C1QB: variants seen among roughly 807,000 people sequenced by gnomAD.
The protein encoded by C1QB is complement C1q subcomponent subunit B.
A neutral mutation model predicts 4.6 loss-of-function variants in C1QB; 2 were observed. The observed-to-expected ratio is 0.43, with a 90% CI of 0.18 to 1.36. The LOEUF (loss-of-function observed/expected upper bound fraction) is 1.36, where lower values mean the gene tolerates loss of function less well. Ranked by LOEUF, C1QB falls within the 40% of genes most tolerant of loss-of-function variation. The probability of loss-of-function intolerance (pLI) is 0.28; values close to 1 mark genes in which losing one functional copy is unlikely to be tolerated. For missense variants in C1QB, 292 were observed against 338.0 expected (o/e 0.86, Z 1.07); for synonymous variants, 132 against 137.1 (o/e 0.96, Z 0.26).
intron 1 of C1QB, among the ~76,000 whole-genome samples, chr1:22,659,037 AGATGGATG>A (rs3066574): frequency 0.33 from 37,168 of 111,988 alleles, 5,965 homozygotes; most frequent in African/African-American, 0.44. Flanking sequence ...ATAGAGAGAC[AGATGGATG>A]GATGGATGGA....
In C1QB at chr1:22,661,223, A is replaced by G; in HGVS notation, c.593A>G (p.Tyr198Cys). 1.2e-6 allele frequency: 2 copies of G among 1,613,430 alleles called. No homozygotes were observed. Among genetic ancestry groups the G allele is most frequent in the Non-Finnish European group, 1.7e-6 (2 of 1,179,518 alleles). The change falls in exon 3 of 3, where the codon TAT becomes TGT. Residue 198 changes from tyrosine (Y) to cysteine (C), a missense_variant. Transcript: ENST00000509305. ...RAQKVVTFCD[Y>C]AYNTFQVTTG... ...CAGAAGGTGGTCACCTTCTGTGACT[A>G]TGCCTACAACACCTTCCAGGTCACC...
chr1:22,659,722 C>T, intron 2 of C1QB, 79 bp downstream of exon 2: 2 of 1,505,404 alleles, frequency 1.3e-6, no homozygotes, highest in Non-Finnish European at 1.8e-6. Context: ...AGTTGCCTAC[C>T]TTTGAGACTG....
chr1:22,657,228 T>C (rs1475530510), intron 1 of C1QB, among the ~76,000 whole-genome samples: 1 of 152,078 alleles, frequency 6.6e-6, no homozygotes, highest in African/African-American at 2.4e-5. Flanking sequence ...ACGAGCCCCA[T>C]CCTGAAGCTA....
chr1:22,654,839 G>A (rs918016020), intron 1 of C1QB, among the ~76,000 whole-genome samples: 4 of 152,302 alleles, frequency 2.6e-5, no homozygotes, highest in East Asian at 1.9e-4. Context: ...CACTTTCACC[G>A]AACACTGACC....
intron 1 of C1QB, among the ~76,000 whole-genome samples, chr1:22,658,639 C>G (rs1642563396): frequency 6.6e-6 from 1 of 152,204 alleles, no homozygotes; most frequent in Admixed American, 6.5e-5. Flanking sequence ...TCCCCAGCAC[C>G]TTGCACAGAG....
rs756084071 is a variant in C1QB at position 22,661,233 on chromosome 1, C to T, written c.603C>T (p.Asn201=). The T allele has an allele frequency of 3.1e-6, 5 of 1,613,410 alleles. No homozygotes were observed. In the African/African-American group the frequency reaches 4.0e-5, roughly 13 times the overall value. ...KVVTFCDYAY[N]TFQVTTGGMV... is the part of the protein sequence containing the mutation. ...TCACCTTCTGTGACTATGCCTACAA[C>T]ACCTTCCAGGTCACCACCGGTGGCA... is the stretch of plus-strand genomic sequence containing the variant. The change falls in exon 3 of 3, where the codon AAC becomes AAT. Residue 201 remains asparagine (N), a synonymous_variant. Coordinates refer to ENST00000509305, the MANE Select transcript of C1QB (RefSeq NM_001378156.1).
intron 1 of C1QB, among the ~76,000 whole-genome samples, chr1:22,656,087 C>T (rs1320905511): frequency 6.6e-6 from 1 of 152,050 alleles, no homozygotes; most frequent in Non-Finnish European, 1.5e-5. Context: ...GTGCAGCTAG[C>T]GTTGTGATTA....
Position 22,661,250 on chromosome 1 carries a change from C to T in C1QB, c.620C>T (p.Thr207Ile), listed in dbSNP as rs1375267287. The change falls in exon 3 of 3, where the codon ACC becomes ATC. Residue 207 changes from threonine to isoleucine, a missense_variant. Physicochemically the swap from Thr to Ile is moderately conservative, Grantham distance 89 (BLOSUM62 -1). Coordinates refer to ENST00000509305, the MANE Select transcript of C1QB (RefSeq NM_001378156.1). ...DYAYNTFQVT[T>I]GGMVLKLEQG... ...GCCTACAACACCTTCCAGGTCACCA[C>T]CGGTGGCATGGTCCTCAAGCTGGAG... is the stretch of plus-strand genomic sequence containing the variant. 6.2e-7 allele frequency: 1 copy of T among 1,613,252 alleles called. No individual in the cohort carries two copies. The highest frequency in any genetic ancestry group is 1.6e-4 in the Middle Eastern group (1 of 6,082).
chr1:22,654,603 G>GTCC (rs1308822941), intron 1 of C1QB, among the ~76,000 whole-genome samples: 1 of 152,186 alleles, frequency 6.6e-6, no homozygotes, highest in African/African-American at 2.4e-5. Flanking sequence ...TGTAACTCAT[G>GTCC]TCCTCGCACA....
intron 1 of C1QB, among the ~76,000 whole-genome samples, chr1:22,654,468 T>C (rs1004662330): frequency 2.6e-5 from 4 of 151,362 alleles, no homozygotes; most frequent in African/African-American, 9.7e-5. Context: ...AGGGATTGTC[T>C]TTTTTTACTT....
chr1:22,659,891 C>T (rs913551921), intron 2 of C1QB, among the ~76,000 whole-genome samples: 1 of 152,198 alleles, frequency 6.6e-6, no homozygotes, highest in African/African-American at 2.4e-5. Flanking sequence ...GACCAGACCA[C>T]GGATCTCTTA....
rs59587823 is a variant in C1QB at position 22,656,410 on chromosome 1, G to A, written c.-23-3030G>A. Among the ~76,000 whole-genome samples, 1,454 of 152,192 alleles carry A rather than the reference G, an allele frequency of 9.6e-3. 28 individuals carry two copies. The highest frequency in any genetic ancestry group is 0.033 in the African/African-American group (1,389 of 41,536). On this transcript the variant is annotated intron_variant, in intron 1 of 2. Transcript: ENST00000509305. Reference sequence around the variant, plus strand: ...AACAAATAGCCAAGCGAGATGGTGCGTGCCTGTAATCCCAGCTACTCAGGA... The same window carrying A: ...AACAAATAGCCAAGCGAGATGGTGCATGCCTGTAATCCCAGCTACTCAGGA...
rs768600792 is a variant in C1QB at position 22,660,866 on chromosome 1, G to C, written c.236G>C (p.Gly79Ala). Residue 79 changes from glycine (G) to alanine (A), a missense_variant, in exon 3 of 3, where the codon GGG becomes GCG. Gly to Ala is a moderately conservative substitution (Grantham distance 60, BLOSUM62 0). Coordinates refer to ENST00000509305, the MANE Select transcript of C1QB (RefSeq NM_001378156.1). ...GAGTTCGGAGAGAAGGGAGACCCAGGGATTCCTGGGAATCCAGGAAAAGTC... is the reference window on the plus strand; with the variant it reads ...GAGTTCGGAGAGAAGGGAGACCCAGCGATTCCTGGGAATCCAGGAAAAGTC... Reference protein sequence around the residue: ...HGEFGEKGDPGIPGNPGKVGP... With the variant: ...HGEFGEKGDPAIPGNPGKVGP... 3 of 1,613,682 alleles carry C rather than the reference G, an allele frequency of 1.9e-6. No homozygotes were observed. The highest frequency in any genetic ancestry group is 2.7e-5 in the African/African-American group (2 of 74,830).
chr1:22,661,393 G>A lies in C1QB; in HGVS notation c.*7G>A, dbSNP rs1642620722. 3.7e-6 allele frequency: 6 copies of A among 1,613,646 alleles called. No homozygotes were observed. Among genetic ancestry groups the A allele is most frequent in the Middle Eastern group, 1.6e-4 (1 of 6,062 alleles). ...TCCAGATATGGAGGCCTGACCTGTG[G>A]GCTGCTTCACATCCACCCCGGCTCC... On this transcript the variant is annotated 3_prime_UTR_variant, in exon 3 of 3. Transcript: ENST00000509305.
rs1453569731 is a variant in C1QB at position 22,661,180 on chromosome 1, C to G, written c.550C>G (p.Arg184Gly). Residue 184 changes from arginine to glycine, a missense_variant, in exon 3 of 3, where the codon CGT becomes GGT. Coordinates refer to ENST00000509305, the MANE Select transcript of C1QB (RefSeq NM_001378156.1). ...AGGGAACCTGTGCGTGAACCTCATG[C>G]GTGGCCGGGAGCGTGCACAGAAGGT... ...SRGNLCVNLM[R>G]GRERAQKVVT... 1.2e-6 allele frequency: 2 copies of G among 1,614,120 alleles called. No individual in the cohort carries two copies. Among genetic ancestry groups the G allele is most frequent in the Non-Finnish European group, 1.7e-6 (2 of 1,180,016 alleles).
At position 22,659,936 on chromosome 1, in the gene C1QB, G is replaced by A. The variant is rs143366205; in HGVS notation, c.181+293G>A. Reference sequence around the variant, plus strand: ...TCAGGTGGAGAGGGAGTGCCGCTGTGGCCACAGAGTCCTGTGTTTAAACTT... The same window carrying A: ...TCAGGTGGAGAGGGAGTGCCGCTGTAGCCACAGAGTCCTGTGTTTAAACTT... On this transcript the variant is annotated intron_variant, in intron 2 of 2. Transcript: ENST00000509305. Among the ~76,000 whole-genome samples, 1,221 of 152,280 alleles carry A rather than the reference G, an allele frequency of 8.0e-3. 14 individuals are homozygous for A. The highest frequency in any genetic ancestry group is 0.027 in the African/African-American group (1,129 of 41,554).
At chr1:22,653,664 C>T (rs996623174) in intron 1 of C1QB, among the ~76,000 whole-genome samples, 1 of 152,172 alleles carries the variant, frequency 6.6e-6, no homozygotes, top group Non-Finnish European at 1.5e-5. Flanking sequence ...CAGAATCTTT[C>T]AGCACTGCTG....
At chr1:22,656,123 G>A (rs534276108) in intron 1 of C1QB, among the ~76,000 whole-genome samples, 33 of 152,312 alleles carry the variant, frequency 2.2e-4, no homozygotes, top group African/African-American at 7.2e-4. Context: ...TGAACACAAC[G>A]TTTGTGCAGC....
chr1:22,658,868 T>TGGATGGATGGACAGCAGGATGGAG (rs1642566885), intron 1 of C1QB, among the ~76,000 whole-genome samples: 7 of 142,828 alleles, frequency 4.9e-5, no homozygotes, highest in African/African-American at 1.6e-4. Context: ...GATGGAGGGA[T>TGGATGGATGGACAGCAGGATGGAG]GGATGGATGG....
Sources: gnomAD v4.1 joint callset for allele counts (sites outside exome capture counted in the v4.1 genomes callset) on GRCh38, gnomAD v4.1.1 for gene constraint, MANE v1.5 for transcripts, NCBI Gene and HGNC (gene_info 2026-07-23, HGNC 2026-07-21) for gene names.